ADAM12: variants seen among roughly 807,000 people sequenced by gnomAD.
ADAM12 encodes the protein ADAM metallopeptidase domain 12.
A neutral mutation model predicts 106.4 loss-of-function variants in ADAM12; 70 were observed. The observed-to-expected ratio is 0.66, with a 90% confidence interval of 0.54 to 0.80. The LOEUF (loss-of-function observed/expected upper bound fraction) is 0.80, where lower values mean the gene tolerates loss of function less well. Ranked by LOEUF, ADAM12 falls within the 30% of genes least tolerant of loss-of-function variation. ADAM12 has a pLI of 0.00. For missense variants in ADAM12, 1,010 were observed against 1,171.9 expected (o/e 0.86, Z 2.02); for synonymous variants, 420 against 433.5 (o/e 0.97, Z 0.39).
At chr10:126,239,038 T>C (rs1242699950) in intron 3 of ADAM12, among the ~76,000 whole-genome samples, 1 of 152,226 alleles carries the variant, frequency 6.6e-6, no homozygotes, top group Non-Finnish European at 1.5e-5. Context: ...CATTGACTAC[T>C]AAGTAGGCAT....
intron 9 of ADAM12, among the ~76,000 whole-genome samples, chr10:126,100,422 G>A (rs564590540): frequency 1.1e-4 from 17 of 152,030 alleles, no homozygotes; most frequent in Middle Eastern, 3.4e-3. Context: ...CAGGCTCCTC[G>A]GCCTGGCGCG....
intron 2 of ADAM12, among the ~76,000 whole-genome samples, chr10:126,280,745 G>C (rs1236883967): frequency 6.6e-6 from 1 of 152,136 alleles, no homozygotes; most frequent in Non-Finnish European, 1.5e-5. Context: ...TTAAACTTGA[G>C]AGTTAAATTG....
intron 1 of ADAM12, among the ~76,000 whole-genome samples, chr10:126,370,795 C>T (rs1856084765): frequency 6.6e-6 from 1 of 152,160 alleles, no homozygotes; most frequent in African/African-American, 2.4e-5. Flanking sequence ...CCCTGAAAAT[C>T]AACTGCCTAG....
intron 2 of ADAM12, among the ~76,000 whole-genome samples, chr10:126,284,392 G>C (rs1040064084): frequency 2.4e-4 from 36 of 147,766 alleles, no homozygotes; most frequent in African/African-American, 9.0e-4. Context: ...TAGCAGCCAT[G>C]TGGAGATCTG....
chr10:126,044,857 G>C (rs1954273155), intron 17 of ADAM12, among the ~76,000 whole-genome samples: 1 of 152,240 alleles, frequency 6.6e-6, no homozygotes, highest in African/African-American at 2.4e-5. Flanking sequence ...CAAAGATGCT[G>C]CTGTGGACGT....
intron 4 of ADAM12, among the ~76,000 whole-genome samples, chr10:126,149,840 T>C (rs896352615): frequency 3.3e-5 from 5 of 152,208 alleles, no homozygotes; most frequent in African/African-American, 4.8e-5. Flanking sequence ...GGGACTTGGA[T>C]TGGCTTCCTT....
At chr10:126,229,876 G>A (rs980239060) in intron 3 of ADAM12, among the ~76,000 whole-genome samples, 3 of 152,060 alleles carry the variant, frequency 2.0e-5, no homozygotes, top group African/African-American at 7.2e-5. Flanking sequence ...GCTTTCTATT[G>A]AAGACTCTCA....
chr10:126,194,964 G>C (rs935761549), intron 3 of ADAM12, among the ~76,000 whole-genome samples: 1 of 152,098 alleles, frequency 6.6e-6, no homozygotes, highest in Admixed American at 6.5e-5. Context: ...TGATAGTCTT[G>C]TTACTTTAAG....
chr10:126,219,370 T>G (rs77008088), intron 3 of ADAM12, among the ~76,000 whole-genome samples: 7,714 of 152,264 alleles, frequency 0.051, 265 homozygotes, highest in Non-Finnish European at 0.068. Context: ...CAGGCCCCCA[T>G]GCCTTTTCTC....
chr10:126,318,204 C>T (rs1455813136), intron 2 of ADAM12, among the ~76,000 whole-genome samples: 1 of 152,134 alleles, frequency 6.6e-6, no homozygotes, highest in Non-Finnish European at 1.5e-5. Context: ...CTAGAACACA[C>T]ACACACACTC....
chr10:126,073,446 A>T (rs1955039483), intron 11 of ADAM12, among the ~76,000 whole-genome samples: 1 of 151,788 alleles, frequency 6.6e-6, no homozygotes, highest in African/African-American at 2.4e-5. Context: ...CAGGTTTGTT[A>T]TGTAGGTAGA....
rs747538611 is a variant in ADAM12 at position 126,118,076 on chromosome 10, T to G, written c.565A>C (p.Asn189His). 1.4e-5 allele frequency: 22 copies of G among 1,614,024 alleles called. No homozygotes were observed. In the African/African-American group the frequency reaches 2.4e-4, roughly 18 times the overall value. Residue 189 changes from asparagine (N) to histidine (H), a missense_variant, in exon 6 of 23, where the codon AAT (asparagine) becomes CAT (histidine). Physicochemically the swap from Asn to His is moderately conservative, Grantham distance 68. Coordinates refer to ENST00000448723, the MANE Select transcript of ADAM12 (RefSeq NM_001288973.2). ...HHNTPNLAAK[N>H]VFPPPSQTWA... ...GTCTGAGAGGGTGGTGGAAACACATTCTTTGCAGCGAGGTTTGGTGTGTTG... is the reference window on the plus strand; with the variant it reads ...GTCTGAGAGGGTGGTGGAAACACATGCTTTGCAGCGAGGTTTGGTGTGTTG...
chr10:126,064,920 A>C lies in ADAM12; in HGVS notation c.1495T>G (p.Cys499Gly). The change falls in exon 14 of 23, where the codon TGC becomes GGC. Residue 499 changes from cysteine to glycine, a missense_variant. By Grantham distance (159) the Cys-to-Gly change is radical. Transcript: ENST00000448723. The surrounding 1 kb of genome is among the most constrained non-coding windows in gnomAD (Gnocchi z 4.4). Reference protein sequence around the residue: ...PEFCTGASPHCPANVYLHDGH... With the variant: ...PEFCTGASPHGPANVYLHDGH... ...TCGTGCAGGTACACGTTGGCTGGGCAGTGAGGGCTGGCCCCTGTGCAGAAC... is the reference window on the plus strand; with the variant it reads ...TCGTGCAGGTACACGTTGGCTGGGCCGTGAGGGCTGGCCCCTGTGCAGAAC... 1 of 1,613,230 alleles carries C rather than the reference A, an allele frequency of 6.2e-7. No individual in the cohort carries two copies. Among genetic ancestry groups the C allele is most frequent in the Non-Finnish European group, 8.5e-7 (1 of 1,179,736 alleles).
chr10:126,356,945 G>A (rs903009179), intron 1 of ADAM12, among the ~76,000 whole-genome samples: 3 of 152,158 alleles, frequency 2.0e-5, no homozygotes, highest in East Asian at 1.9e-4. Context: ...GAAAAATGAA[G>A]GAAGCCAATG....
intron 2 of ADAM12, among the ~76,000 whole-genome samples, chr10:126,301,230 G>C (rs1960610244): frequency 6.6e-6 from 1 of 152,172 alleles, no homozygotes; most frequent in African/African-American, 2.4e-5. Context: ...TTTTCTTCTT[G>C]AATAGCTGCA....
intron 3 of ADAM12, among the ~76,000 whole-genome samples, chr10:126,224,030 A>T (rs1958146448): frequency 6.6e-6 from 1 of 152,176 alleles, no homozygotes; most frequent in Admixed American, 6.5e-5. Context: ...GTCCTCTCAG[A>T]GTGGAACTCA....
intron 12 of ADAM12, chr10:126,067,013 G>T: frequency 3.7e-6 from 2 of 534,670 alleles, no homozygotes; most frequent in South Asian, 4.0e-5. Flanking sequence ...CCTGGAAAAA[G>T]CCAGTAGCAC....
intron 3 of ADAM12, among the ~76,000 whole-genome samples, chr10:126,170,024 T>C (rs5788773): frequency 0.011 from 1,706 of 151,540 alleles, 31 homozygotes; most frequent in African/African-American, 0.036. Context: ...CATTTCAGCC[T>C]GTTTCCTTTA....
intron 3 of ADAM12, among the ~76,000 whole-genome samples, chr10:126,233,282 AGAGGATGCT>A (rs1422984765): frequency 3.3e-5 from 5 of 152,244 alleles, no homozygotes; most frequent in South Asian, 2.1e-4. Flanking sequence ...GGAGTGACAG[AGAGGATGCT>A]AGAAGAGCCT....
Sources: gnomAD v4.1 joint callset for allele counts (sites outside exome capture counted in the v4.1 genomes callset) on GRCh38, gnomAD v4.1.1 for gene constraint, Gnocchi (gnomAD v3.1) non-coding constraint, MANE v1.5 for transcripts, NCBI Gene and HGNC (gene_info 2026-07-23, HGNC 2026-07-21) for gene names.